Variants in LTBP1 observed in about 807,000 individuals in gnomAD.
The protein encoded by LTBP1 is latent-transforming growth factor beta-binding protein 1.
In LTBP1, 129 loss-of-function variants were observed where a neutral mutation model predicts 207.6. The ratio of observed to expected loss-of-function variants is 0.62; its 90% CI spans 0.54 to 0.72. The LOEUF (loss-of-function observed/expected upper bound fraction) is 0.72. Among genes scored for constraint, LTBP1 ranks in the 30% least tolerant of loss-of-function variants. The pLI, the probability that LTBP1 is intolerant of heterozygous loss-of-function variation, is 0.00. For missense variants in LTBP1, 2,281 were observed against 2,217.2 expected, an observed-to-expected ratio of 1.03 and a Z score of -0.58; for synonymous variants, 963 against 833.7, an observed-to-expected ratio of 1.16 and a Z score of -2.67.
chr2:33,065,582 CTT>C (rs2077469931), intron 3 of LTBP1, among the ~76,000 whole-genome samples: 4 of 151,960 alleles, frequency 2.6e-5, no homozygotes, highest in African/African-American at 9.7e-5. Flanking sequence ...AAAAATCCCA[CTT>C]TGTCAGGGTG....
intron 6 of LTBP1, among the ~76,000 whole-genome samples, chr2:33,188,140 G>A (rs972254932): frequency 2.0e-5 from 3 of 152,134 alleles, no homozygotes; most frequent in African/African-American, 7.2e-5. Context: ...GTGATGGCTG[G>A]CTGGGCACGG....
At chr2:32,990,077 C>T (rs919061350) in intron 2 of LTBP1, among the ~76,000 whole-genome samples, 1 of 152,206 alleles carries the variant, frequency 6.6e-6, no homozygotes, top group African/African-American at 2.4e-5. Flanking sequence ...TGTGCTCCAG[C>T]CTGGGTGACA....
rs187991082 is a variant in LTBP1 at position 33,337,696 on chromosome 2, C to T, written c.3731-5142C>T. ...GGATAGTATTACCAATGATATCATG[C>T]ATGGCCCTTACAGATCACTAAGCAA... On this transcript the variant is annotated intron_variant, in intron 24 of 33. Coordinates refer to ENST00000404816, the MANE Select transcript of LTBP1 (RefSeq NM_206943.4). 3.6e-3 allele frequency among the ~76,000 whole-genome samples: 547 copies of T among 152,284 alleles called. 3 individuals carry two copies. The highest frequency in any genetic ancestry group is 0.013 in the African/African-American group (525 of 41,546).
At chr2:33,121,159 C>CTTTTTTTTTTTTTTTTTT (rs61065486) in intron 4 of LTBP1, among the ~76,000 whole-genome samples, 31 of 87,536 alleles carry the variant, frequency 3.5e-4, no homozygotes, top group Non-Finnish European at 4.5e-4. Context: ...TTTGTAAAGT[C>CTTTTTTTTTTTTTTTTTT]TTTTTTTTTT....
intron 3 of LTBP1, among the ~76,000 whole-genome samples, chr2:33,028,071 A>AT (rs1391346030): frequency 6.6e-6 from 1 of 152,022 alleles, no homozygotes; most frequent in Non-Finnish European, 1.5e-5. Flanking sequence ...GCAGCTCTTA[A>AT]TTTTTTCCTC....
chr2:33,380,440 A>T (rs2095199491), intron 31 of LTBP1, among the ~76,000 whole-genome samples: 2 of 151,342 alleles, frequency 1.3e-5, no homozygotes, highest in Admixed American at 6.6e-5. Flanking sequence ...AAAAAAAAAA[A>T]TTAGCTGGGC....
intron 24 of LTBP1, among the ~76,000 whole-genome samples, chr2:33,326,849 A>G (rs2094434893): frequency 6.6e-6 from 1 of 151,878 alleles, no homozygotes; most frequent in African/African-American, 2.4e-5. Flanking sequence ...TTAGTAGGGA[A>G]GGGTTTCTTT....
chr2:33,335,334 GT>G (rs113056752), intron 24 of LTBP1, among the ~76,000 whole-genome samples: 1 of 152,064 alleles, frequency 6.6e-6, no homozygotes, highest in Non-Finnish European at 1.5e-5. Flanking sequence ...AGGTCCCCGT[GT>G]TTTTTTCCTG....
intron 2 of LTBP1, among the ~76,000 whole-genome samples, chr2:32,957,966 C>T (rs185896555): frequency 3.5e-4 from 54 of 152,210 alleles, no homozygotes; most frequent in South Asian, 8.3e-4. Flanking sequence ...AAGGAAGTGC[C>T]ACTGCTTACT....
In LTBP1 at chr2:32,947,307, CGCCCGCTGGG is replaced by C; in HGVS notation, c.-11_-2del. 8.2e-7 allele frequency: 1 copy of C among 1,226,408 alleles called. No homozygotes were observed. Among genetic ancestry groups the C allele is most frequent in the Non-Finnish European group, 1.0e-6 (1 of 984,196 alleles). The allele number at this position is 1,226,408 out of a possible 1,614,324, so 76.0% of individuals were successfully genotyped here. On this transcript the variant is annotated 5_prime_UTR_variant, in exon 1 of 34. Coordinates refer to ENST00000404816, the MANE Select transcript of LTBP1 (RefSeq NM_206943.4). Reference sequence around the variant, plus strand: ...GGGCCGGACCGCGCGCGACCGGTCGCGCCCGCTGGGGCCCGCGATGGCGGGGGCCTGGCTC... The same window carrying C: ...GGGCCGGACCGCGCGCGACCGGTCGCGCCCGCGATGGCGGGGGCCTGGCTC...
At chr2:33,250,000 G>A (rs1350374604) in intron 10 of LTBP1, among the ~76,000 whole-genome samples, 1 of 152,122 alleles carries the variant, frequency 6.6e-6, no homozygotes, top group Non-Finnish European at 1.5e-5. Context: ...GTACACTAAT[G>A]TGTTATCCTT....
intron 3 of LTBP1, among the ~76,000 whole-genome samples, chr2:33,104,607 C>G (rs2079947152): frequency 6.6e-6 from 1 of 152,180 alleles, no homozygotes; most frequent in Non-Finnish European, 1.5e-5. Flanking sequence ...TTTTTCTCCT[C>G]TTCTGACTTT....
intron 24 of LTBP1, among the ~76,000 whole-genome samples, chr2:33,340,927 A>C (rs1188461148): frequency 6.6e-6 from 1 of 152,220 alleles, no homozygotes; most frequent in Non-Finnish European, 1.5e-5. Context: ...GACATTTTGC[A>C]GTGATACAAA....
intron 3 of LTBP1, among the ~76,000 whole-genome samples, chr2:33,081,605 G>A (rs772998228): frequency 2.2e-4 from 34 of 152,272 alleles, no homozygotes; most frequent in Non-Finnish European, 3.8e-4. Flanking sequence ...CTAAACAGGG[G>A]AGTAGTAAGA....
intron 7 of LTBP1, among the ~76,000 whole-genome samples, chr2:33,199,371 T>C (rs555456646): frequency 6.6e-6 from 1 of 152,208 alleles, no homozygotes; most frequent in African/African-American, 2.4e-5. Flanking sequence ...AAAATGTATA[T>C]TCTGTTGATT....
At chr2:33,285,316 A>T (rs2093643434) in intron 19 of LTBP1, among the ~76,000 whole-genome samples, 1 of 152,052 alleles carries the variant, frequency 6.6e-6, no homozygotes, top group African/African-American at 2.4e-5. Context: ...TGCTGGGATT[A>T]CAGGGGTAAG....
intron 3 of LTBP1, 146 bp downstream of exon 3, chr2:33,021,352 C>T (rs1317517194): frequency 2.0e-5 from 16 of 783,394 alleles, no homozygotes; most frequent in South Asian, 9.1e-5. Context: ...AGGCTTTACA[C>T]GTTAGGCTTT....
intron 3 of LTBP1, among the ~76,000 whole-genome samples, chr2:33,067,789 A>G (rs219088): frequency 0.4 from 61,286 of 151,984 alleles, 13,952 homozygotes; most frequent in East Asian, 0.63. Flanking sequence ...AGGTCCTGGA[A>G]CTAATCTCCC....
chr2:33,328,628 G>A (rs376817961), intron 24 of LTBP1, among the ~76,000 whole-genome samples: 21 of 152,286 alleles, frequency 1.4e-4, no homozygotes, highest in Middle Eastern at 3.4e-3. Flanking sequence ...CATGAGAACA[G>A]CATTGGAGAA....
Sources: allele counts gnomAD v4.1 joint callset (sites outside exome capture counted in the v4.1 genomes callset), GRCh38; gene constraint gnomAD v4.1.1; transcripts MANE v1.5; gene names NCBI Gene and HGNC (gene_info 2026-07-23, HGNC 2026-07-21).